AK8: variants seen among roughly 807,000 people sequenced by gnomAD.
AK8 encodes the protein adenylate kinase 8.
In AK8, 44 loss-of-function variants were observed where a neutral mutation model predicts 54.6. The ratio of observed to expected loss-of-function variants is 0.81; its 90% CI spans 0.63 to 1.04. AK8 has a LOEUF of 1.04. Ranked by LOEUF, AK8 falls within the 50% of genes least tolerant of loss-of-function variation. The pLI, the probability that AK8 is intolerant of heterozygous loss-of-function variation, is 0.00. For synonymous variants in AK8, 239 were observed against 245.6 expected, an observed-to-expected ratio of 0.97 and a Z score of 0.25; for missense variants, 555 against 613.6, an observed-to-expected ratio of 0.90 and a Z score of 1.01.
rs575043422 is a variant in AK8, at chr9:132,770,014, T to A, written c.1121+22620A>T. 1.3e-5 allele frequency: 2 copies of A among 152,252 alleles called. No homozygotes were observed. The highest frequency in any genetic ancestry group is 1.3e-4 in the Admixed American group (2 of 15,302). 9.4% of individuals were successfully genotyped at this position (152,252 alleles called of 1,614,324 possible). On this transcript the variant is annotated intron_variant, in intron 11 of 12. Transcript: ENST00000298545. The surrounding 1 kb of genome is among the most constrained non-coding windows in gnomAD (Gnocchi z 4.3). ...ATTATTGTTGAGCGGAGAGGGGGAC[T>A]GCTCCCAGGGCTCCAGGCGAAGAGG... is the stretch of plus-strand genomic sequence containing the variant.
rs571190671 is a variant in AK8 at position 132,783,071 on chromosome 9, T to C, written c.1121+9563A>G. Among the ~76,000 whole-genome samples the C allele has an allele frequency of 2.8e-3, 423 of 152,328 alleles. 1 individual carries two copies. Among genetic ancestry groups the C allele is most frequent in the Non-Finnish European group, 4.9e-3 (332 of 68,022 alleles). ...TACCAGGAACAAGGAACTTTGCAGA[T>C]TGGATTAAGTTAAGGACTGTGTTGA... On this transcript the variant is annotated intron_variant, in intron 11 of 12. Transcript: ENST00000298545.
chr9:132,774,081 C>A (rs1304668845), intron 11 of AK8, among the ~76,000 whole-genome samples: 1 of 152,148 alleles, frequency 6.6e-6, no homozygotes, highest in Admixed American at 6.5e-5. Flanking sequence ...ACCTTCTACT[C>A]TGGGAGGGGC....
chr9:132,763,848 A>G (rs73546918), intron 11 of AK8, among the ~76,000 whole-genome samples: 19,635 of 152,220 alleles, frequency 0.13, 4,206 homozygotes, highest in African/African-American at 0.44. Flanking sequence ...CAAAGCCTAC[A>G]GGGTACAGCA....
intron 11 of AK8, among the ~76,000 whole-genome samples, chr9:132,763,529 C>T (rs1838583858): frequency 6.6e-6 from 1 of 152,212 alleles, no homozygotes; most frequent in Non-Finnish European, 1.5e-5. Flanking sequence ...GATGCGTAAA[C>T]AGACTGTAAC....
chr9:132,808,155 G>C (rs1192960108), intron 10 of AK8, among the ~76,000 whole-genome samples: 2 of 152,014 alleles, frequency 1.3e-5, no homozygotes, highest in African/African-American at 4.8e-5. Context: ...TAGTGTAAAA[G>C]TGACAGGAGC....
chr9:132,834,248 T>C (rs1343505284), intron 5 of AK8, among the ~76,000 whole-genome samples: 4 of 152,198 alleles, frequency 2.6e-5, no homozygotes, highest in Non-Finnish European at 5.9e-5. Context: ...TCTTAAAAGA[T>C]CCAGTTTGGG....
At chr9:132,797,194 G>A (rs1470719148) in intron 10 of AK8, among the ~76,000 whole-genome samples, 2 of 142,634 alleles carry the variant, frequency 1.4e-5, no homozygotes, top group East Asian at 2.4e-4. Context: ...CCACCCCAAT[G>A]CCCACCCCAT....
At chr9:132,757,384 G>A (rs1564385723) in intron 11 of AK8, among the ~76,000 whole-genome samples, 1 of 152,236 alleles carries the variant, frequency 6.6e-6, no homozygotes. Context: ...AAGACAAGGA[G>A]AAAAAGAGGC....
In AK8 at chr9:132,792,710, C is replaced by T; in HGVS notation, c.1045G>A (p.Gly349Ser). 1 of 1,557,410 alleles carries T rather than the reference C, an allele frequency of 6.4e-7. No homozygotes were observed. The highest frequency in any genetic ancestry group is 8.7e-7 in the Non-Finnish European group (1 of 1,150,912). The change falls in exon 11 of 13, where the codon GGC becomes AGC. Residue 349 changes from glycine to serine, a missense_variant. Physicochemically the swap from Gly to Ser is moderately conservative, Grantham distance 56 (BLOSUM62 0). Coordinates refer to ENST00000298545, the MANE Select transcript of AK8 (RefSeq NM_152572.3). ...RLDQQDCIQKGWVLHGVPRDL... is the reference protein window; with the variant it reads ...RLDQQDCIQKSWVLHGVPRDL... ...CGCGGGACGCCGTGTAGCACCCAGC[C>T]TTTCTGGATGCAGTCCTGCTGGTCC... is the stretch of plus-strand genomic sequence containing the variant.
chr9:132,801,284 C>T (rs1840445292), intron 10 of AK8, among the ~76,000 whole-genome samples: 1 of 152,180 alleles, frequency 6.6e-6, no homozygotes, highest in Non-Finnish European at 1.5e-5. Context: ...CAAAAATAGA[C>T]ATTCTTCTAT....
Position 132,828,061 on chromosome 9 carries a change from C to T in AK8, c.508G>A (p.Val170Ile). ...HVIVLSAPDTVLIERNLGKRI... is the reference protein window; with the variant it reads ...HVIVLSAPDTILIERNLGKRI... ...TTCCCCAAGTTTCTCTCGATCAGGA[C>T]CGTGTCTGGAGCACTCAGCACAACT... Residue 170 changes from valine to isoleucine, a missense_variant, in exon 7 of 13, where the codon GTC becomes ATC. By Grantham distance (29) the Val-to-Ile change is conservative. Coordinates refer to ENST00000298545, the MANE Select transcript of AK8 (RefSeq NM_152572.3). 1 of 1,573,964 alleles carries T rather than the reference C, an allele frequency of 6.4e-7. No individual in the cohort carries two copies. Among genetic ancestry groups the T allele is most frequent in the Middle Eastern group, 1.7e-4 (1 of 6,014 alleles).
intron 1 of AK8, among the ~76,000 whole-genome samples, chr9:132,876,308 A>G (rs1239514590): frequency 1.3e-5 from 2 of 152,230 alleles, no homozygotes; most frequent in Non-Finnish European, 2.9e-5. Context: ...AATATTTTAC[A>G]TTTCATGTTT....
Position 132,837,581 on chromosome 9 carries a change from ATC to A in AK8, c.403-8857_403-8856del, listed in dbSNP as rs959227467. Among the ~76,000 whole-genome samples, 13 of 152,136 alleles carry A rather than the reference ATC, an allele frequency of 8.5e-5. No individual in the cohort carries two copies. The highest frequency in any genetic ancestry group is 2.9e-4 in the African/African-American group (12 of 41,430). On this transcript the variant is annotated intron_variant, in intron 5 of 12. Coordinates refer to ENST00000298545, the MANE Select transcript of AK8 (RefSeq NM_152572.3). The surrounding 1 kb of genome is among the most constrained non-coding windows in gnomAD (Gnocchi z 4.3). ...CTCAGGCCCTGTCCTGCATTTGATC[ATC>A]TCTTTTTCCTCTTCTACTGCAGTGA...
In AK8 at chr9:132,853,357, CA is replaced by C. The variant is rs36114433; in HGVS notation, c.402+1499del. Among the ~76,000 whole-genome samples the C allele has an allele frequency of 2.7e-3, 284 of 105,564 alleles. 2 individuals are homozygous for C. The highest frequency in any genetic ancestry group is 0.013 in the Admixed American group (123 of 9,716). The allele number at this position is 105,564 out of a possible 152,430, so 69.3% of individuals were successfully genotyped here. On this transcript the variant is annotated intron_variant, in intron 5 of 12. Coordinates refer to ENST00000298545, the MANE Select transcript of AK8 (RefSeq NM_152572.3). ...TGGGCGACAGAATGAGACTCCGCCT[CA>C]AAAAAAAAAAAAAAGAAAAGAAAAG...
chr9:132,853,173 A>C (rs1254003713), intron 5 of AK8, among the ~76,000 whole-genome samples: 3 of 151,746 alleles, frequency 2.0e-5, no homozygotes, highest in East Asian at 1.9e-4. Flanking sequence ...CCTGGCCAAC[A>C]AGGGGGAAAC....
Position 132,877,694 on chromosome 9 carries a change from G to T in AK8, c.84+478C>A, listed in dbSNP as rs938703885. Reference sequence around the variant, plus strand: ...CAAGGTGGGAGATGCTGCTGTCCCAGAGGCGGCCCTCTCTGAGGATGGAGA... The same window carrying T: ...CAAGGTGGGAGATGCTGCTGTCCCATAGGCGGCCCTCTCTGAGGATGGAGA... On this transcript the variant is annotated intron_variant, in intron 1 of 12. Coordinates refer to ENST00000298545, the MANE Select transcript of AK8 (RefSeq NM_152572.3). The T allele has an allele frequency of 1.8e-5, 7 of 380,016 alleles. 1 individual carries two copies. Among genetic ancestry groups the T allele is most frequent in the East Asian group, 7.4e-5 (1 of 13,578 alleles). 23.5% of individuals were successfully genotyped at this position (380,016 alleles called of 1,614,324 possible).
chr9:132,811,490 CAAGG>C (rs1212577755), intron 10 of AK8, among the ~76,000 whole-genome samples: 2 of 152,264 alleles, frequency 1.3e-5, no homozygotes, highest in Non-Finnish European at 2.9e-5. Flanking sequence ...CTGGAAAAGG[CAAGG>C]AAGTAAATCC....
intron 11 of AK8, among the ~76,000 whole-genome samples, chr9:132,779,912 G>A (rs1366049330): frequency 2.0e-5 from 3 of 152,168 alleles, no homozygotes; most frequent in East Asian, 3.8e-4. Context: ...CTTCTCTAAC[G>A]CTGACTGCCT....
chr9:132,800,708 G>C (rs1295537733), intron 10 of AK8, among the ~76,000 whole-genome samples: 1 of 152,166 alleles, frequency 6.6e-6, no homozygotes, highest in Non-Finnish European at 1.5e-5. Flanking sequence ...TTCAAGACCA[G>C]AGAAGTCAGT....
Sources: gnomAD v4.1 joint callset for allele counts (sites outside exome capture counted in the v4.1 genomes callset) on GRCh38, gnomAD v4.1.1 for gene constraint, Gnocchi (gnomAD v3.1) non-coding constraint, MANE v1.5 for transcripts, NCBI Gene and HGNC (gene_info 2026-07-23, HGNC 2026-07-21) for gene names.